Variants in MGAT4C observed in about 807,000 individuals in gnomAD.
The protein encoded by MGAT4C is MGAT4 family member C.
In MGAT4C, 19 loss-of-function variants were observed where a neutral mutation model predicts 40.1. That is an observed-to-expected ratio of 0.47 (90% CI 0.33 to 0.70). The LOEUF (loss-of-function observed/expected upper bound fraction) is 0.70, where lower values mean the gene tolerates loss of function less well. MGAT4C is among the 30% of genes least tolerant of loss of function. The probability of loss-of-function intolerance (pLI) is 0.02; values close to 1 mark genes in which losing one functional copy is unlikely to be tolerated. For missense variants in MGAT4C, 491 were observed against 563.2 expected, an observed-to-expected ratio of 0.87 and a Z score of 1.30; for synonymous variants, 181 against 187.1, an observed-to-expected ratio of 0.97 and a Z score of 0.27.
At chr12:86,277,241 G>T (rs1953099248) in intron 4 of MGAT4C, among the ~76,000 whole-genome samples, 1 of 152,092 alleles carries the variant, frequency 6.6e-6, no homozygotes, top group South Asian at 2.1e-4. Flanking sequence ...TGTTTATTCA[G>T]ATCTTTTGCC....
At chr12:86,710,490 T>C (rs1199868804) in intron 2 of MGAT4C, among the ~76,000 whole-genome samples, 3 of 152,208 alleles carry the variant, frequency 2.0e-5, no homozygotes, top group East Asian at 1.9e-4. Flanking sequence ...TTTGACTTTT[T>C]AATTATGGCC....
At chr12:85,986,123 GC>G (rs1243660781) in intron 3 of MGAT4C, among the ~76,000 whole-genome samples, 4 of 152,240 alleles carry the variant, frequency 2.6e-5, no homozygotes, top group African/African-American at 9.6e-5. Flanking sequence ...TCAGGAACAA[GC>G]TTTTTTATAC....
At chr12:86,617,503 A>G (rs980414150) in intron 2 of MGAT4C, among the ~76,000 whole-genome samples, 13 of 152,152 alleles carry the variant, frequency 8.5e-5, no homozygotes, top group African/African-American at 2.7e-4. Context: ...CCTGGCTAAC[A>G]CGGTGAAACC....
intron 2 of MGAT4C, among the ~76,000 whole-genome samples, chr12:86,646,205 G>T (rs897533668): frequency 6.6e-6 from 1 of 151,850 alleles, no homozygotes; most frequent in African/African-American, 2.4e-5. Context: ...TATTAGCGAA[G>T]CAGCATTGGT....
intron 2 of MGAT4C, among the ~76,000 whole-genome samples, chr12:86,577,562 C>G (rs1423213573): frequency 1.3e-5 from 2 of 151,740 alleles, no homozygotes; most frequent in African/African-American, 4.8e-5. Context: ...AGTTTTTACC[C>G]TTTATTCTGT....
At chr12:86,742,576 G>A (rs961168449) in intron 1 of MGAT4C, among the ~76,000 whole-genome samples, 2 of 151,392 alleles carry the variant, frequency 1.3e-5, no homozygotes, top group Non-Finnish European at 3.0e-5. Flanking sequence ...ACCAAACCCT[G>A]TGATCCGGTT....
At chr12:86,119,428 T>G (rs1411747088) in intron 1 of MGAT4C, among the ~76,000 whole-genome samples, 1 of 152,038 alleles carries the variant, frequency 6.6e-6, no homozygotes, top group Non-Finnish European at 1.5e-5. Context: ...TTCTTCCTTT[T>G]TTTTCTTTTT....
At chr12:86,374,477 G>A (rs1232845846) in intron 3 of MGAT4C, among the ~76,000 whole-genome samples, 1 of 152,048 alleles carries the variant, frequency 6.6e-6, no homozygotes, top group African/African-American at 2.4e-5. Flanking sequence ...ATTCTTTGAT[G>A]AGTTTTCACG....
chr12:86,466,943 G>A (rs139466077), intron 2 of MGAT4C, among the ~76,000 whole-genome samples: 81 of 152,088 alleles, frequency 5.3e-4, no homozygotes, highest in African/African-American at 1.8e-3. Flanking sequence ...CTAATCTGCT[G>A]GTATTTATGT....
At chr12:86,681,356 A>G (rs1375737457) in intron 2 of MGAT4C, among the ~76,000 whole-genome samples, 4 of 151,962 alleles carry the variant, frequency 2.6e-5, no homozygotes, top group Non-Finnish European at 5.9e-5. Context: ...AGGCTATAAC[A>G]TTTGCAACCA....
chr12:86,757,217 G>A (rs1951320901), intron 1 of MGAT4C, among the ~76,000 whole-genome samples: 1 of 151,558 alleles, frequency 6.6e-6, no homozygotes, highest in South Asian at 2.1e-4. Flanking sequence ...GGCCTGTTGG[G>A]GGTTGGGGGG....
At chr12:86,491,614 C>A (rs1425082278) in intron 2 of MGAT4C, among the ~76,000 whole-genome samples, 1 of 151,970 alleles carries the variant, frequency 6.6e-6, no homozygotes, top group Non-Finnish European at 1.5e-5. Context: ...GCTAAAAACT[C>A]TCAATAAATT....
intron 2 of MGAT4C, among the ~76,000 whole-genome samples, chr12:85,993,896 G>A (rs766571629): frequency 4.0e-4 from 61 of 152,188 alleles, no homozygotes; most frequent in Admixed American, 4.6e-4. Flanking sequence ...AGGTAGTGGA[G>A]GCCAGTGCCT....
At chr12:86,675,972 C>CAAAAAA in intron 2 of MGAT4C, among the ~76,000 whole-genome samples, 1 of 145,368 alleles carries the variant, frequency 6.9e-6, no homozygotes. Flanking sequence ...GATAAAAAAG[C>CAAAAAA]AAAAAAAAAA....
Position 86,818,405 on chromosome 12 carries a change from G to C in MGAT4C, c.-262+20261C>G, listed in dbSNP as rs533774021. Among the ~76,000 whole-genome samples the C allele has an allele frequency of 4.6e-5, 7 of 151,296 alleles. No individual in the cohort carries two copies. The South Asian group carries it at 1.4e-3, about 31-fold the overall frequency. The stretch of plus-strand genomic sequence containing the variant: ...TTGCACAGATTAAAAGATAATTAGT[G>C]AACTACTCAATAATTATAAAGAAGC... On this transcript the variant is annotated intron_variant, in intron 1 of 7. Coordinates refer to the MGAT4C transcript ENST00000548651.
rs968330676 is a variant in MGAT4C, at chr12:86,711,613, C to T, written c.-229+15596G>A. On this transcript the variant is annotated intron_variant, in intron 2 of 7. Coordinates refer to the MGAT4C transcript ENST00000548651. The stretch of plus-strand genomic sequence containing the variant: ...CTTTTTTAGTTCAGTAGTATAAGAT[C>T]TCTATTAATTTGGAATAAAGGATAA... Among the ~76,000 whole-genome samples, 7 of 151,668 alleles carry T rather than the reference C, an allele frequency of 4.6e-5. No homozygotes were observed. The South Asian group carries it at 1.0e-3, about 23-fold the overall frequency.
intron 2 of MGAT4C, among the ~76,000 whole-genome samples, chr12:86,547,165 T>G (rs1443320655): frequency 1.3e-5 from 2 of 151,944 alleles, no homozygotes; most frequent in Non-Finnish European, 2.9e-5. Flanking sequence ...CTGTAAATTT[T>G]AGAATAAAGT....
chr12:86,502,864 C>CAT lies in MGAT4C; in HGVS notation c.-228-67601_-228-67600dup, dbSNP rs761029198. Among the ~76,000 whole-genome samples, 164 of 54,056 alleles carry CAT rather than the reference C, an allele frequency of 3.0e-3. 16 individuals are homozygous for CAT. The highest frequency in any genetic ancestry group is 0.016 in the East Asian group (19 of 1,156). The allele number at this position is 54,056 out of a possible 152,430, so 35.5% of individuals were successfully genotyped here. ...CTCATATATATATATGAGTTCTGCT[C>CAT]ATATATATATATATATGAGTTCTGC... On this transcript the variant is annotated intron_variant, in intron 2 of 7. Transcript: ENST00000548651.
At chr12:86,549,154 T>C (rs1225332277) in intron 2 of MGAT4C, among the ~76,000 whole-genome samples, 1 of 152,194 alleles carries the variant, frequency 6.6e-6, no homozygotes, top group Admixed American at 6.5e-5. Flanking sequence ...TTGACTGTGA[T>C]GATCTTACAA....
Sources: gnomAD v4.1 joint callset for allele counts (sites outside exome capture counted in the v4.1 genomes callset) on GRCh38, gnomAD v4.1.1 for gene constraint, MANE v1.5 for transcripts, NCBI Gene and HGNC (gene_info 2026-07-23, HGNC 2026-07-21) for gene names.